The following LMNTD1 variants were observed in gnomAD, a reference collection of about 807,000 sequenced individuals.
LMNTD1 encodes the protein lamin tail domain containing 1, also known as lamin tail domain-containing protein 1.
LMNTD1 carries 35 observed loss-of-function variants against 50.9 expected under a neutral mutation model. The observed-to-expected ratio is 0.69, with a 90% confidence interval of 0.53 to 0.91. LMNTD1 has a LOEUF of 0.91. LMNTD1 is among the 40% of genes least tolerant of loss of function. The pLI is 0.00. For missense variants in LMNTD1, 470 were observed against 475.5 expected (o/e 0.99, Z 0.11); for synonymous variants, 153 against 161.9 (o/e 0.94, Z 0.42).
chr12:25,523,289 C>A (rs1941477772), intron 6 of LMNTD1, among the ~76,000 whole-genome samples: 1 of 152,168 alleles, frequency 6.6e-6, no homozygotes, highest in Non-Finnish European at 1.5e-5. Flanking sequence ...GCCTCGGCCT[C>A]CCAAAGTGCT....
intron 9 of LMNTD1, among the ~76,000 whole-genome samples, chr12:25,499,282 C>A (rs1939246112): frequency 6.6e-6 from 1 of 151,920 alleles, no homozygotes; most frequent in African/African-American, 2.4e-5. Flanking sequence ...CTATGTTTCC[C>A]AGGCTGGTCT....
intron 1 of LMNTD1, among the ~76,000 whole-genome samples, chr12:25,616,919 G>A (rs926026158): frequency 2.6e-5 from 4 of 152,230 alleles, no homozygotes; most frequent in Admixed American, 2.6e-4. Context: ...TGAATCTAGT[G>A]ATAGTTACAT....
intron 9 of LMNTD1, among the ~76,000 whole-genome samples, chr12:25,489,356 A>G (rs1938800488): frequency 6.6e-6 from 1 of 151,336 alleles, no homozygotes; most frequent in African/African-American, 2.4e-5. Flanking sequence ...GCCGGTCTGA[A>G]AAGCGCAATA....
chr12:25,566,785 C>T (rs146008954), intron 1 of LMNTD1, among the ~76,000 whole-genome samples: 19 of 152,284 alleles, frequency 1.2e-4, no homozygotes, highest in African/African-American at 3.9e-4. Flanking sequence ...ATGATAGCAA[C>T]GGGCGTCAAT....
At chr12:25,608,240 T>C (rs1407219370) in intron 1 of LMNTD1, among the ~76,000 whole-genome samples, 1 of 152,234 alleles carries the variant, frequency 6.6e-6, no homozygotes, top group Non-Finnish European at 1.5e-5. Flanking sequence ...GCACGTGAGA[T>C]GGGTCTCCTG....
intron 1 of LMNTD1, among the ~76,000 whole-genome samples, chr12:25,643,234 C>T (rs58571336): frequency 0.014 from 2,198 of 152,174 alleles, 65 homozygotes; most frequent in African/African-American, 0.05. Flanking sequence ...GCAGGGGAAG[C>T]CTTTCTAAAC....
At chr12:25,531,840 G>A (rs539691349) in intron 4 of LMNTD1, among the ~76,000 whole-genome samples, 2 of 152,202 alleles carry the variant, frequency 1.3e-5, no homozygotes, top group African/African-American at 4.8e-5. Context: ...CTGTGATTCA[G>A]TCTAGATATT....
chr12:25,502,336 G>C (rs771058632), intron 9 of LMNTD1, among the ~76,000 whole-genome samples: 3 of 152,002 alleles, frequency 2.0e-5, no homozygotes, highest in Non-Finnish European at 4.4e-5. Context: ...AATTATGGAA[G>C]TGCTGTTGCT....
chr12:25,606,501 A>T (rs367785483), intron 1 of LMNTD1, among the ~76,000 whole-genome samples: 4 of 152,122 alleles, frequency 2.6e-5, no homozygotes, highest in Non-Finnish European at 5.9e-5. Context: ...TTTGAGATAC[A>T]TCCCATCAAT....
intron 8 of LMNTD1, among the ~76,000 whole-genome samples, chr12:25,504,465 A>C (rs1445870430): frequency 6.6e-6 from 1 of 152,248 alleles, no homozygotes; most frequent in Non-Finnish European, 1.5e-5. Context: ...AATGATACCA[A>C]GTACAAATTA....
intron 1 of LMNTD1, among the ~76,000 whole-genome samples, chr12:25,596,826 G>A (rs761392230): frequency 5.9e-5 from 9 of 152,084 alleles, no homozygotes; most frequent in Non-Finnish European, 7.4e-5. Flanking sequence ...ACTAAAGGAC[G>A]AACCAATTCA....
intron 9 of LMNTD1, among the ~76,000 whole-genome samples, chr12:25,502,148 TA>T (rs1406265954): frequency 6.6e-6 from 1 of 152,126 alleles, no homozygotes. Context: ...CAACGAAGGC[TA>T]AAAACCTCTG....
At chr12:25,543,303 A>G (rs1227219418) in intron 4 of LMNTD1, among the ~76,000 whole-genome samples, 2 of 152,080 alleles carry the variant, frequency 1.3e-5, no homozygotes, top group Non-Finnish European at 2.9e-5. Context: ...AAAACAGACA[A>G]GGACATTACA....
rs779547115 is a variant in LMNTD1 at position 25,519,981 on chromosome 12, G to A, written c.893C>T (p.Thr298Ile). ...EFNRCSVVSPTFRKRVFQWTA... is the reference protein window; with the variant it reads ...EFNRCSVVSPIFRKRVFQWTA... ...CCACTGAAACACACGCTTTCGGAAT[G>A]TTGGAGATACTACTGAACATCTGTT... The change falls in exon 7 of 10, where the codon ACA becomes ATA. Residue 298 changes from threonine to isoleucine, a missense_variant. Thr to Ile is a moderately conservative substitution (Grantham distance 89). Coordinates refer to ENST00000458174, the MANE Select transcript of LMNTD1 (RefSeq NM_001145728.2). 1 of 1,613,326 alleles carries A rather than the reference G, an allele frequency of 6.2e-7. No individual in the cohort carries two copies. Among genetic ancestry groups the A allele is most frequent in the Non-Finnish European group, 8.5e-7 (1 of 1,179,696 alleles).
intron 8 of LMNTD1, among the ~76,000 whole-genome samples, chr12:25,517,655 T>A (rs1429166254): frequency 9.9e-5 from 14 of 141,004 alleles, no homozygotes; most frequent in African/African-American, 3.6e-4. Context: ...CATGTATACA[T>A]ATGTAACTAA....
upstream of LMNTD1, chr12:25,557,323 A>G (rs1944084566): frequency 1.3e-5 from 2 of 152,184 alleles, no homozygotes; most frequent in Non-Finnish European, 2.9e-5. Flanking sequence ...CAAGTTTCAG[A>G]CAGTTTGTTC....
At chr12:25,646,976 G>A (rs1294270943) in intron 1 of LMNTD1, among the ~76,000 whole-genome samples, 1 of 152,192 alleles carries the variant, frequency 6.6e-6, no homozygotes, top group African/African-American at 2.4e-5. Context: ...CCATCAACTA[G>A]TAAAAAGCAG....
intron 8 of LMNTD1, among the ~76,000 whole-genome samples, chr12:25,517,997 C>T (rs946321224): frequency 2.0e-5 from 3 of 152,058 alleles, no homozygotes; most frequent in Non-Finnish European, 4.4e-5. Context: ...ATCCTCCTCA[C>T]CTTGGGTAGA....
chr12:25,536,656 C>A (rs1942596905), intron 4 of LMNTD1, among the ~76,000 whole-genome samples: 1 of 149,112 alleles, frequency 6.7e-6, no homozygotes, highest in Admixed American at 6.7e-5. Context: ...AAATCAATGA[C>A]CTCAAATTTC....
Sources: gnomAD v4.1 joint callset for allele counts (sites outside exome capture counted in the v4.1 genomes callset) on GRCh38, gnomAD v4.1.1 for gene constraint, MANE v1.5 for transcripts, NCBI Gene and HGNC (gene_info 2026-07-23, HGNC 2026-07-21) for gene names.